DPP10: variants seen among roughly 807,000 people sequenced by gnomAD.
DPP10 encodes the protein dipeptidyl peptidase like 10, also known as inactive dipeptidyl peptidase 10.
Under a neutral mutation model 120.9 loss-of-function variants are expected in DPP10, and 33 were observed. The observed-to-expected ratio is 0.27, with a 90% confidence interval of 0.21 to 0.37. The LOEUF (loss-of-function observed/expected upper bound fraction) is 0.37, where lower values mean the gene tolerates loss of function less well. Among genes scored for constraint, DPP10 ranks in the 10% least tolerant of loss-of-function variants. DPP10 has a pLI of 1.00. For missense variants in DPP10, 816 were observed against 942.8 expected (o/e 0.87, Z 1.76); for synonymous variants, 337 against 326.1 (o/e 1.03, Z -0.36).
At chr2:115,334,205 TCAGGAATGGAC>T (rs1479394437) in intron 2 of DPP10, among the ~76,000 whole-genome samples, 3 of 145,770 alleles carry the variant, frequency 2.1e-5, no homozygotes, top group Non-Finnish European at 4.5e-5. Context: ...GTAGAATTTA[TCAGGAATGGAC>T]CAGAGCAGAC....
At chr2:115,639,628 T>G (rs1382385104) in intron 5 of DPP10, among the ~76,000 whole-genome samples, 3 of 52,436 alleles carry the variant, frequency 5.7e-5, no homozygotes, top group Non-Finnish European at 2.2e-4. Flanking sequence ...GCATTACAGG[T>G]TTTTTTTTTT....
intron 5 of DPP10, among the ~76,000 whole-genome samples, chr2:115,591,795 C>T (rs1401942987): frequency 2.6e-5 from 4 of 152,132 alleles, no homozygotes; most frequent in African/African-American, 9.7e-5. Context: ...GAGCATAGAA[C>T]ATTCTTCCAT....
intron 1 of DPP10, among the ~76,000 whole-genome samples, chr2:114,831,388 C>T (rs1687106783): frequency 6.6e-6 from 1 of 152,116 alleles, no homozygotes; most frequent in South Asian, 2.1e-4. Context: ...AACCCCCAAA[C>T]TGAAAATTAG....
chr2:114,481,851 A>G (rs1303105889), intron 1 of DPP10, among the ~76,000 whole-genome samples: 6 of 151,610 alleles, frequency 4.0e-5, no homozygotes, highest in Non-Finnish European at 1.5e-5. Context: ...AAGGGGAAGC[A>G]AGCATGTTCT....
At chr2:114,958,288 A>G (rs1387796454) in intron 1 of DPP10, among the ~76,000 whole-genome samples, 1 of 152,178 alleles carries the variant, frequency 6.6e-6, no homozygotes, top group Non-Finnish European at 1.5e-5. Context: ...CAGTATTGTT[A>G]CAGGAACATA....
chr2:115,665,880 T>G (rs1282618103), intron 5 of DPP10, among the ~76,000 whole-genome samples: 1 of 152,214 alleles, frequency 6.6e-6, no homozygotes, highest in Non-Finnish European at 1.5e-5. Flanking sequence ...CATTTCTTTT[T>G]TTTAATTTCT....
At chr2:114,612,475 C>A (rs1573790294) in intron 1 of DPP10, among the ~76,000 whole-genome samples, 2 of 152,146 alleles carry the variant, frequency 1.3e-5, no homozygotes, top group Admixed American at 6.5e-5. Context: ...CTTTTTCCCT[C>A]ATTTCTGGCA....
chr2:114,874,268 C>G (rs576804685), intron 1 of DPP10, among the ~76,000 whole-genome samples: 3 of 152,156 alleles, frequency 2.0e-5, no homozygotes, highest in Admixed American at 6.6e-5. Context: ...TCGACTTTGT[C>G]TGTGCTAGAA....
intron 5 of DPP10, among the ~76,000 whole-genome samples, chr2:115,573,176 G>A (rs1383782354): frequency 6.6e-6 from 1 of 151,744 alleles, no homozygotes; most frequent in African/African-American, 2.4e-5. Flanking sequence ...GTATAGTCAT[G>A]TTATTGAACA....
intron 19 of DPP10, among the ~76,000 whole-genome samples, chr2:115,801,438 GCCT>G (rs1239881878): frequency 6.6e-6 from 1 of 152,104 alleles, no homozygotes; most frequent in Admixed American, 6.5e-5. Flanking sequence ...CCTTTGTCGT[GCCT>G]GATTGCCCTG....
At chr2:114,987,563 T>G (rs1045821395) in intron 1 of DPP10, among the ~76,000 whole-genome samples, 1 of 152,158 alleles carries the variant, frequency 6.6e-6, no homozygotes, top group East Asian at 1.9e-4. Flanking sequence ...ATTCATTTAC[T>G]CAGAATGTCA....
At chr2:115,475,107 C>G (rs887527133) in intron 3 of DPP10, among the ~76,000 whole-genome samples, 1 of 152,096 alleles carries the variant, frequency 6.6e-6, no homozygotes. Flanking sequence ...TGCCAATAGC[C>G]AAGACAATGG....
intron 1 of DPP10, chr2:115,297,335 G>T: frequency 3.0e-6 from 1 of 332,928 alleles, no homozygotes; most frequent in Admixed American, 3.6e-5. Context: ...GGGCAGACCA[G>T]GCTGCCAAGT....
chr2:114,486,791 C>CT (rs929384004), intron 1 of DPP10, among the ~76,000 whole-genome samples: 2 of 151,968 alleles, frequency 1.3e-5, no homozygotes, highest in African/African-American at 2.4e-5. Flanking sequence ...AATGATGATG[C>CT]TTTTCTTCAA....
At chr2:115,114,029 G>A (rs542660444) in intron 1 of DPP10, among the ~76,000 whole-genome samples, 104 of 152,216 alleles carry the variant, frequency 6.8e-4, no homozygotes, top group African/African-American at 2.3e-3. Flanking sequence ...GTTGTAACCC[G>A]AAACCAGTTT....
chr2:115,800,033 T>G (rs1312758598), intron 19 of DPP10, among the ~76,000 whole-genome samples: 1 of 151,474 alleles, frequency 6.6e-6, no homozygotes, highest in Non-Finnish European at 1.5e-5. Context: ...ATGGTTGAAC[T>G]AGTTTACAGT....
chr2:114,533,524 C>T (rs7561249), intron 1 of DPP10, among the ~76,000 whole-genome samples: 34,343 of 151,490 alleles, frequency 0.23, 4,284 homozygotes, highest in East Asian at 0.5. Context: ...GGGCTTAATA[C>T]CTAGGTGATG....
chr2:114,498,870 C>T (rs922496785), intron 1 of DPP10, among the ~76,000 whole-genome samples: 2 of 152,144 alleles, frequency 1.3e-5, no homozygotes, highest in Non-Finnish European at 2.9e-5. Context: ...TGTAGCTATT[C>T]ACAATAGTCA....
At chr2:114,550,433 G>A (rs907428965) in intron 1 of DPP10, among the ~76,000 whole-genome samples, 2 of 152,198 alleles carry the variant, frequency 1.3e-5, no homozygotes, top group Non-Finnish European at 2.9e-5. Context: ...ACACAGAGAG[G>A]TTCAGTGATT....
Sources: allele counts gnomAD v4.1 joint callset (sites outside exome capture counted in the v4.1 genomes callset), GRCh38; gene constraint gnomAD v4.1.1; transcripts MANE v1.5; gene names NCBI Gene and HGNC (gene_info 2026-07-23, HGNC 2026-07-21).